MTAP: variants seen among roughly 807,000 people sequenced by gnomAD.
MTAP encodes methylthioadenosine phosphorylase, also known as S-methyl-5'-thioadenosine phosphorylase.
MTAP carries 33 observed loss-of-function variants against 33.6 expected under a neutral mutation model. The observed-to-expected ratio is 0.98, with a 90% CI of 0.74 to 1.31. The LOEUF is 1.31. Among genes scored for constraint, MTAP ranks in the 40% most tolerant of loss-of-function variants. MTAP has a pLI of 0.00. For missense variants in MTAP, 367 were observed against 360.0 expected, an observed-to-expected ratio of 1.02 and a Z score of -0.16; for synonymous variants, 148 against 125.7, an observed-to-expected ratio of 1.18 and a Z score of -1.19.
Position 21,838,388 on chromosome 9 carries a change from A to T in MTAP, c.450+378A>T, listed in dbSNP as rs529531662. On this transcript the variant is annotated intron_variant, in intron 5 of 7. Transcript: ENST00000644715. ...TCCAAGAGGACAAATTATTTGACAT[A>T]TGTGGGTTTCAGTTATCTTACTTCT... 3.3e-5 allele frequency among the ~76,000 whole-genome samples: 5 copies of T among 152,344 alleles called. No individual in the cohort carries two copies. In the Middle Eastern group the frequency reaches 0.01, roughly 311 times the overall value.
chr9:21,811,271 G>T (rs957109340), intron 1 of MTAP, among the ~76,000 whole-genome samples: 10 of 152,174 alleles, frequency 6.6e-5, no homozygotes, highest in Non-Finnish European at 2.9e-5. Flanking sequence ...GACAAAGAAG[G>T]GTTGGTAAAA....
intron 1 of MTAP, among the ~76,000 whole-genome samples, chr9:21,927,173 G>C (rs1186687871): frequency 6.6e-6 from 1 of 152,184 alleles, no homozygotes; most frequent in Non-Finnish European, 1.5e-5. Flanking sequence ...AAAGTAAGCT[G>C]TAGCCCTGGA....
At chr9:21,915,172 T>A (rs528264033) in intron 1 of MTAP, among the ~76,000 whole-genome samples, 37 of 151,622 alleles carry the variant, frequency 2.4e-4, no homozygotes, top group African/African-American at 8.5e-4. Flanking sequence ...AAGCTCCACC[T>A]CTGCCTCCTG....
At chr9:21,870,677 C>T (rs1825922281), downstream of MTAP, among the ~76,000 whole-genome samples, 1 of 151,280 alleles carries the variant, frequency 6.6e-6, no homozygotes, top group African/African-American at 2.4e-5. Context: ...GGAGATGTAA[C>T]ATTTAAAAAT....
intron 1 of MTAP, among the ~76,000 whole-genome samples, chr9:21,906,263 A>G (rs1160664690): frequency 6.6e-6 from 1 of 152,236 alleles, no homozygotes; most frequent in Admixed American, 6.5e-5. Flanking sequence ...CAGGAAATGA[A>G]AACGGGATAA....
chr9:21,900,624 T>G (rs1818375665), intron 1 of MTAP, among the ~76,000 whole-genome samples: 1 of 152,136 alleles, frequency 6.6e-6, no homozygotes, highest in Non-Finnish European at 1.5e-5. Flanking sequence ...TCAAAGGATT[T>G]AAAAACAAAA....
intron 1 of MTAP, among the ~76,000 whole-genome samples, chr9:21,884,947 A>G (rs1319867942): frequency 6.6e-6 from 1 of 152,188 alleles, no homozygotes; most frequent in South Asian, 2.1e-4. Context: ...CCACTACCAT[A>G]AAATTCAGGA....
At chr9:21,822,375 G>A (rs1196461041) in intron 4 of MTAP, among the ~76,000 whole-genome samples, 21 of 152,146 alleles carry the variant, frequency 1.4e-4, no homozygotes, top group East Asian at 3.9e-4. Context: ...TTCTGCCTTC[G>A]TTTTGTTATG....
At position 21,825,530 on chromosome 9, in the gene MTAP, T is replaced by G. The variant is rs1447293288; in HGVS notation, c.347+7328T>G. On this transcript the variant is annotated intron_variant, in intron 4 of 7. Coordinates refer to ENST00000644715, the MANE Select transcript of MTAP (RefSeq NM_002451.4). The stretch of plus-strand genomic sequence containing the variant: ...ACATCCTCATCAACACTTACTTTGT[T>G]TTGTCATTTTGATAATGGCCATTGT... 2.0e-5 allele frequency among the ~76,000 whole-genome samples: 3 copies of G among 152,308 alleles called. No homozygotes were observed. The East Asian group carries it at 5.8e-4, about 29-fold the overall frequency.
At chr9:21,894,457 C>G (rs1033584566) in intron 1 of MTAP, among the ~76,000 whole-genome samples, 5 of 151,892 alleles carry the variant, frequency 3.3e-5, no homozygotes, top group African/African-American at 1.2e-4. Context: ...AAAAAGAAGT[C>G]AACTATCTCT....
chr9:21,855,341 C>G (rs1427785457), intron 6 of MTAP, among the ~76,000 whole-genome samples: 1 of 152,230 alleles, frequency 6.6e-6, no homozygotes, highest in Non-Finnish European at 1.5e-5. Context: ...AGCCGACATT[C>G]TGTCGGATGG....
intron 7 of MTAP, chr9:21,860,099 T>C (rs1476402349): frequency 1.3e-5 from 2 of 152,200 alleles, no homozygotes; most frequent in Non-Finnish European, 2.9e-5. Flanking sequence ...CTTTTGGGTC[T>C]TCTGGTGGTG....
At chr9:21,835,631 T>C (rs1459690059) in intron 4 of MTAP, among the ~76,000 whole-genome samples, 1 of 152,150 alleles carries the variant, frequency 6.6e-6, no homozygotes, top group Non-Finnish European at 1.5e-5. Flanking sequence ...AAACTTCTGA[T>C]TTATCTGATA....
downstream of MTAP, chr9:21,936,044 T>C (rs1819037066): frequency 6.6e-6 from 1 of 152,214 alleles, no homozygotes; most frequent in Admixed American, 6.5e-5. Flanking sequence ...CTGAAAAATG[T>C]TTTTATTTCC....
chr9:21,931,381 A>C, downstream of MTAP: 1 of 501,322 alleles, frequency 2.0e-6, no homozygotes. Flanking sequence ...CCAACTAGGA[A>C]TGTCAGGTGA....
At chr9:21,910,880 T>C (rs1447566649) in intron 1 of MTAP, among the ~76,000 whole-genome samples, 1 of 152,094 alleles carries the variant, frequency 6.6e-6, no homozygotes, top group Admixed American at 6.6e-5. Flanking sequence ...ACAGATTTCC[T>C]CACCGCCTCT....
intron 5 of MTAP, among the ~76,000 whole-genome samples, chr9:21,846,025 C>T (rs1331208765): frequency 6.6e-6 from 1 of 152,148 alleles, no homozygotes; most frequent in Non-Finnish European, 1.5e-5. Context: ...AAAGGACACC[C>T]TATTTAACAA....
Position 21,818,182 on chromosome 9 carries a change from T to G in MTAP, c.327T>G (p.Ile109Met). ...REEIQPGDIV[I>M]IDQFIDRTTM... Reference sequence around the variant, plus strand: ...AGATTCAGCCCGGCGATATTGTCATTATTGATCAGTTCATTGACAGGTAAG... The same window carrying G: ...AGATTCAGCCCGGCGATATTGTCATGATTGATCAGTTCATTGACAGGTAAG... Residue 109 changes from isoleucine to methionine, a missense_variant, in exon 4 of 8, where the codon ATT becomes ATG. By Grantham distance (10) the Ile-to-Met change is conservative. Coordinates refer to ENST00000644715, the MANE Select transcript of MTAP (RefSeq NM_002451.4). 5 of 1,614,006 alleles carry G rather than the reference T, an allele frequency of 3.1e-6. No homozygotes were observed. The highest frequency in any genetic ancestry group is 4.2e-6 in the Non-Finnish European group (5 of 1,179,984).
At chr9:21,827,021 A>G (rs1321406143) in intron 4 of MTAP, among the ~76,000 whole-genome samples, 1 of 152,142 alleles carries the variant, frequency 6.6e-6, no homozygotes, top group East Asian at 1.9e-4. Flanking sequence ...TTTCATCCTG[A>G]AACCATCCCC....
Sources: gnomAD v4.1 joint callset for allele counts (sites outside exome capture counted in the v4.1 genomes callset) on GRCh38, gnomAD v4.1.1 for gene constraint, MANE v1.5 for transcripts, NCBI Gene and HGNC (gene_info 2026-07-23, HGNC 2026-07-21) for gene names.